The following C7 variants were observed in gnomAD, a reference collection of about 807,000 sequenced individuals.
The protein encoded by C7 is complement C7.
In C7, 83 loss-of-function variants were observed where a neutral mutation model predicts 104.8. The ratio of observed to expected loss-of-function variants is 0.79; its 90% CI spans 0.66 to 0.95. The LOEUF (loss-of-function observed/expected upper bound fraction) is 0.95. C7 is among the 40% of genes least tolerant of loss of function. C7 has a pLI of 0.00. For missense variants in C7, 1,070 were observed against 1,011.2 expected (o/e 1.06, Z -0.79); for synonymous variants, 415 against 360.6 (o/e 1.15, Z -1.71).
At chr5:40,967,008 C>G (rs188890021) in intron 14 of C7, among the ~76,000 whole-genome samples, 176 of 150,942 alleles carry the variant, frequency 1.2e-3, no homozygotes, top group South Asian at 3.6e-3. Context: ...TGAAGGGCTT[C>G]TTTTCCTTTA....
chr5:40,966,862 A>ATCTC (rs140655148), intron 14 of C7, among the ~76,000 whole-genome samples: 5 of 151,166 alleles, frequency 3.3e-5, no homozygotes, highest in Non-Finnish European at 5.9e-5. Context: ...TTACTTATTA[A>ATCTC]TCTCTCTCTC....
intron 6 of C7, among the ~76,000 whole-genome samples, chr5:40,941,642 C>A (rs992185014): frequency 6.6e-6 from 1 of 152,168 alleles, no homozygotes; most frequent in Middle Eastern, 3.4e-3. Context: ...GACATAAGAG[C>A]GGCCTGAGAA....
In C7 at chr5:40,949,173, C is replaced by T. The variant is rs112985438; in HGVS notation, c.983-731C>T. On this transcript the variant is annotated intron_variant, in intron 8 of 17. Coordinates refer to ENST00000313164, the MANE Select transcript of C7 (RefSeq NM_000587.4). ...ATTAAATTTTTCAGTAAAAATTTTACTCTTGAGCAGTTTATGTTTTTCCTA... is the reference window on the plus strand; with the variant it reads ...ATTAAATTTTTCAGTAAAAATTTTATTCTTGAGCAGTTTATGTTTTTCCTA... 8.1e-3 allele frequency among the ~76,000 whole-genome samples: 1,237 copies of T among 151,992 alleles called. 7 individuals are homozygous for T. The highest frequency in any genetic ancestry group is 0.027 in the Middle Eastern group (8 of 294).
In C7 at chr5:40,959,633, C is replaced by A; in HGVS notation, c.1661+13C>A. ...TGGAGCACTTGAGGTAATGGAGACC[C>A]GACCCCCTGGCAGTTGCATAGAACA... On this transcript the variant is annotated intron_variant, in intron 12 of 17. Coordinates refer to ENST00000313164, the MANE Select transcript of C7 (RefSeq NM_000587.4). 6.4e-7 allele frequency: 1 copy of A among 1,563,194 alleles called. No homozygotes were observed. The highest frequency in any genetic ancestry group is 1.2e-5 in the South Asian group (1 of 82,468).
intron 13 of C7, 166 bp from the exon 14 acceptor site, chr5:40,964,575 T>C (rs1336627807): frequency 1.8e-5 from 10 of 548,556 alleles, no homozygotes; most frequent in Admixed American, 3.3e-5. Flanking sequence ...GTGGTGCTAG[T>C]GTTACTAACT....
chr5:40,971,032 G>C (rs1740687705), intron 14 of C7, among the ~76,000 whole-genome samples: 1 of 152,148 alleles, frequency 6.6e-6, no homozygotes, highest in Non-Finnish European at 1.5e-5. Flanking sequence ...TGTAAGTAGT[G>C]CTGCAATAAA....
chr5:40,955,262 T>C, intron 9 of C7, 125 bp from the exon 10 acceptor site: 1 of 864,868 alleles, frequency 1.2e-6, no homozygotes, highest in Non-Finnish European at 1.8e-6. Flanking sequence ...CCTCCCTTCT[T>C]TCTGACCACA....
At chr5:40,950,986 T>C (rs914611039) in intron 9 of C7, among the ~76,000 whole-genome samples, 3 of 152,108 alleles carry the variant, frequency 2.0e-5, no homozygotes, top group African/African-American at 7.2e-5. Context: ...AAAGATTTAA[T>C]ACATGGAGTG....
At chr5:40,911,631 C>T (rs1561233203) in intron 1 of C7, among the ~76,000 whole-genome samples, 1 of 152,174 alleles carries the variant, frequency 6.6e-6, no homozygotes, top group African/African-American at 2.4e-5. Flanking sequence ...GGAGGTAGAG[C>T]TAATGCTCAT....
intron 16 of C7, among the ~76,000 whole-genome samples, chr5:40,978,818 T>C (rs1740873188): frequency 6.6e-6 from 1 of 151,704 alleles, no homozygotes; most frequent in Non-Finnish European, 1.5e-5. Flanking sequence ...AATAGCTATT[T>C]TTTTCCACTA....
chr5:40,951,491 T>A lies in C7; in HGVS notation c.1093+1477T>A, dbSNP rs1740169144. On this transcript the variant is annotated intron_variant, in intron 9 of 17. Transcript: ENST00000313164. ...AGGGGAGGAAGGGAGGAATCAAGGG[T>A]TGAAAAACTAACTATTGGGTACTTA... 2.6e-5 allele frequency among the ~76,000 whole-genome samples: 4 copies of A among 151,938 alleles called. No individual in the cohort carries two copies. In the South Asian group the frequency reaches 8.3e-4, roughly 32 times the overall value.
At chr5:40,918,430 T>C (rs1739367785) in intron 1 of C7, among the ~76,000 whole-genome samples, 1 of 151,468 alleles carries the variant, frequency 6.6e-6, no homozygotes. Context: ...AAAATGGCAG[T>C]AGTAAGTCCT....
chr5:40,910,028 G>A (rs1452178586), intron 1 of C7, among the ~76,000 whole-genome samples: 6 of 140,146 alleles, frequency 4.3e-5, no homozygotes, highest in African/African-American at 1.6e-4. Flanking sequence ...GTAGGGTCCT[G>A]CGATTTATCT....
chr5:40,959,139 C>T (rs976596477), intron 11 of C7, among the ~76,000 whole-genome samples: 1 of 152,144 alleles, frequency 6.6e-6, no homozygotes, highest in Admixed American at 6.5e-5. Context: ...ATTTCCTGCC[C>T]ACCTCCATTC....
At chr5:40,913,095 C>T (rs1739245503) in intron 1 of C7, among the ~76,000 whole-genome samples, 1 of 152,118 alleles carries the variant, frequency 6.6e-6, no homozygotes, top group East Asian at 1.9e-4. Context: ...AATATAATGG[C>T]CTCTAGTTCC....
intron 1 of C7, among the ~76,000 whole-genome samples, chr5:40,924,890 T>C (rs1016225893): frequency 2.6e-5 from 4 of 152,180 alleles, no homozygotes; most frequent in Admixed American, 2.0e-4. Flanking sequence ...CATGAAACCA[T>C]TCTTTCCTCC....
intron 9 of C7, among the ~76,000 whole-genome samples, chr5:40,951,666 G>A (rs1740173465): frequency 6.6e-6 from 1 of 152,176 alleles, no homozygotes. Flanking sequence ...CCATAGTATG[G>A]TAGGGGTGTA....
intron 3 of C7, among the ~76,000 whole-genome samples, chr5:40,932,262 C>T (rs1174024562): frequency 3.3e-5 from 5 of 151,962 alleles, no homozygotes; most frequent in African/African-American, 1.2e-4. Flanking sequence ...ATGAATATAG[C>T]CTTCTTATTT....
chr5:40,936,797 GGA>G (rs1160707074), intron 5 of C7, among the ~76,000 whole-genome samples: 1 of 151,914 alleles, frequency 6.6e-6, no homozygotes, highest in East Asian at 1.9e-4. Context: ...TGGAAGGGAG[GGA>G]GAGAGAGAGA....
Sources: allele counts gnomAD v4.1 joint callset (sites outside exome capture counted in the v4.1 genomes callset), GRCh38; gene constraint gnomAD v4.1.1; transcripts MANE v1.5; gene names NCBI Gene and HGNC (gene_info 2026-07-23, HGNC 2026-07-21).